PTPRM: variants seen among roughly 807,000 people sequenced by gnomAD.
PTPRM encodes the protein protein tyrosine phosphatase receptor type M.
A neutral mutation model predicts 186.7 loss-of-function variants in PTPRM; 47 were observed. The ratio of observed to expected loss-of-function variants is 0.25; its 90% CI spans 0.20 to 0.32. The LOEUF is 0.32. PTPRM is among the 10% of genes least tolerant of loss of function. The probability of loss-of-function intolerance (pLI) is 1.00; values close to 1 mark genes in which losing one functional copy is unlikely to be tolerated. For missense variants in PTPRM, 1,494 were observed against 1,865.0 expected, an observed-to-expected ratio of 0.80 and a Z score of 3.66; for synonymous variants, 668 against 674.9, an observed-to-expected ratio of 0.99 and a Z score of 0.16.
intron 19 of PTPRM, chr18:8,270,337 A>C (rs1284873797): frequency 6.6e-6 from 1 of 152,158 alleles, no homozygotes; most frequent in East Asian, 1.9e-4. Context: ...GATTAACATC[A>C]CTAATCATCA....
chr18:8,242,879 C>T (rs2094444625), intron 14 of PTPRM, among the ~76,000 whole-genome samples: 1 of 152,170 alleles, frequency 6.6e-6, no homozygotes, highest in Non-Finnish European at 1.5e-5. Context: ...ATTCTGTGTC[C>T]TAGGTCAATC....
chr18:8,203,025 A>G lies in PTPRM; in HGVS notation c.2301-41033A>G, dbSNP rs541204811. ...GAAAAATGAGTTTGCACTTTAATTT[A>G]TAAATATAAAATATATTTTCTTGGT... On this transcript the variant is annotated intron_variant, in intron 14 of 32. Coordinates refer to ENST00000580170, the MANE Select transcript of PTPRM (RefSeq NM_001105244.2). Among the ~76,000 whole-genome samples, 5 of 152,328 alleles carry G rather than the reference A, an allele frequency of 3.3e-5. No individual in the cohort carries two copies. The South Asian group carries it at 1.0e-3, about 32-fold the overall frequency.
chr18:8,008,800 G>A (rs138811210), intron 7 of PTPRM, among the ~76,000 whole-genome samples: 54 of 152,244 alleles, frequency 3.5e-4, no homozygotes, highest in African/African-American at 1.2e-3. Flanking sequence ...CCCTCCAGAC[G>A]CCATCATTTT....
chr18:7,790,911 A>T (rs903801654), intron 2 of PTPRM, among the ~76,000 whole-genome samples: 14 of 150,652 alleles, frequency 9.3e-5, no homozygotes, highest in African/African-American at 3.4e-4. Flanking sequence ...GTTGGTTTTA[A>T]AAAAAAAAAC....
At position 8,253,250 on chromosome 18, in the gene PTPRM, G is replaced by A. The variant is rs557122151; in HGVS notation, c.2590G>A (p.Asp864Asn). The A allele has an allele frequency of 2.7e-5, 41 of 1,532,846 alleles. No individual in the cohort carries two copies. Among genetic ancestry groups the A allele is most frequent in the South Asian group, 7.5e-5 (6 of 79,708 alleles). 95.0% of individuals were successfully genotyped at this position (1,532,846 alleles called of 1,614,324 possible). Residue 864 changes from aspartate to asparagine, a missense_variant, in exon 19 of 33, where the codon GAT (aspartate) becomes AAT (asparagine). Coordinates refer to ENST00000580170, the MANE Select transcript of PTPRM (RefSeq NM_001105244.2). Reference sequence around the variant, plus strand: ...AGATGAAACCCACACAATGGCCAGCGATACCAGCAGCCTGGTGCAGTCCCA... The same window carrying A: ...AGATGAAACCCACACAATGGCCAGCAATACCAGCAGCCTGGTGCAGTCCCA... ...INDETHTMAS[D>N]TSSLVQSHTY...
chr18:8,218,413 G>A (rs1376654745), intron 14 of PTPRM, among the ~76,000 whole-genome samples: 1 of 152,170 alleles, frequency 6.6e-6, no homozygotes, highest in Non-Finnish European at 1.5e-5. Context: ...CTTTCTTGCA[G>A]CAAGCAACTA....
intron 4 of PTPRM, among the ~76,000 whole-genome samples, chr18:7,908,117 G>A (rs1204224265): frequency 1.3e-5 from 2 of 152,146 alleles, no homozygotes; most frequent in Admixed American, 1.3e-4. Flanking sequence ...GGGATGTAGT[G>A]CAGAGACGTT....
chr18:7,836,467 A>C (rs1480626901), intron 2 of PTPRM, among the ~76,000 whole-genome samples: 2 of 152,128 alleles, frequency 1.3e-5, no homozygotes, highest in African/African-American at 4.8e-5. Context: ...TTATTGGTTC[A>C]TTGTTAATTC....
rs1195578013 is a variant in PTPRM, at chr18:7,768,655, T to A, written c.74-5494T>A. Among the ~76,000 whole-genome samples, 21 of 150,692 alleles carry A rather than the reference T, an allele frequency of 1.4e-4. No homozygotes were observed. In the South Asian group the frequency reaches 1.7e-3, roughly 12 times the overall value. ...AAAGATATATATATATATATTTTTT[T>A]TTTTTTTTGAGTTGGAGTTTCACTC... is the stretch of plus-strand genomic sequence containing the variant. On this transcript the variant is annotated intron_variant, in intron 1 of 32. Coordinates refer to ENST00000580170, the MANE Select transcript of PTPRM (RefSeq NM_001105244.2).
chr18:7,629,782 C>A (rs759133789), intron 1 of PTPRM, among the ~76,000 whole-genome samples: 12 of 152,056 alleles, frequency 7.9e-5, no homozygotes, highest in Non-Finnish European at 1.6e-4. Context: ...TGTGAATGTG[C>A]AGACCCACAC....
chr18:7,880,484 G>T (rs1446005454), intron 2 of PTPRM, among the ~76,000 whole-genome samples: 2 of 152,176 alleles, frequency 1.3e-5, no homozygotes, highest in African/African-American at 4.8e-5. Flanking sequence ...TAGTGGCTGA[G>T]AAATAAGTAT....
intron 19 of PTPRM, among the ~76,000 whole-genome samples, chr18:8,280,740 A>G (rs1327354642): frequency 6.6e-6 from 1 of 152,176 alleles, no homozygotes; most frequent in Non-Finnish European, 1.5e-5. Flanking sequence ...GCCAACGTAG[A>G]ACTGCCCTTA....
At chr18:8,009,323 C>CTT (rs71354585) in intron 7 of PTPRM, among the ~76,000 whole-genome samples, 195 of 145,432 alleles carry the variant, frequency 1.3e-3, no homozygotes, top group African/African-American at 3.0e-3. Flanking sequence ...GCTTCCATAA[C>CTT]TTTTTTTTTT....
chr18:8,043,230 T>C (rs1458908436), intron 7 of PTPRM, among the ~76,000 whole-genome samples: 2 of 152,200 alleles, frequency 1.3e-5, no homozygotes, highest in African/African-American at 4.8e-5. Context: ...ACAAGGTGCC[T>C]GTCTATGGTG....
intron 11 of PTPRM, among the ~76,000 whole-genome samples, chr18:8,098,801 A>C (rs1028410489): frequency 1.3e-5 from 2 of 151,656 alleles, no homozygotes; most frequent in African/African-American, 4.8e-5. Flanking sequence ...CATCCCCCAC[A>C]ATCACTGTCT....
intron 19 of PTPRM, among the ~76,000 whole-genome samples, chr18:8,263,091 C>T (rs753641294): frequency 9.9e-5 from 15 of 151,966 alleles, no homozygotes; most frequent in East Asian, 5.8e-4. Flanking sequence ...TGAAAGCCAA[C>T]CTGTTTAAAA....
chr18:8,343,330 T>C, intron 22 of PTPRM, 93 bp from the exon 23 acceptor site: 1 of 988,710 alleles, frequency 1.0e-6, no homozygotes, highest in Non-Finnish European at 1.5e-6. Context: ...GGGAACTGCA[T>C]GTGGGTATTA....
intron 2 of PTPRM, among the ~76,000 whole-genome samples, chr18:7,873,312 A>G (rs2048069193): frequency 6.6e-6 from 1 of 152,152 alleles, no homozygotes; most frequent in South Asian, 2.1e-4. Context: ...AATTTTCTCC[A>G]GAGAGCATAT....
chr18:7,720,651 G>A (rs2040429159), intron 1 of PTPRM, among the ~76,000 whole-genome samples: 1 of 152,014 alleles, frequency 6.6e-6, no homozygotes, highest in African/African-American at 2.4e-5. Flanking sequence ...CCATCCCCCA[G>A]CCACCGGAAA....
Sources: allele counts gnomAD v4.1 joint callset (sites outside exome capture counted in the v4.1 genomes callset), GRCh38; gene constraint gnomAD v4.1.1; transcripts MANE v1.5; gene names NCBI Gene and HGNC (gene_info 2026-07-23, HGNC 2026-07-21).